COL23A1: variants seen among roughly 807,000 people sequenced by gnomAD.
COL23A1 encodes the protein collagen type XXIII alpha 1 chain.
Under a neutral mutation model 99.3 loss-of-function variants are expected in COL23A1, and 97 were observed. The ratio of observed to expected loss-of-function variants is 0.98; its 90% CI spans 0.83 to 1.16. The LOEUF is 1.16. Ranked by LOEUF, COL23A1 falls within the 50% of genes most tolerant of loss-of-function variation. The pLI, the probability that COL23A1 is intolerant of heterozygous loss-of-function variation, is 0.00. For synonymous variants in COL23A1, 320 were observed against 308.2 expected, an observed-to-expected ratio of 1.04 and a Z score of -0.40; for missense variants, 762 against 757.4, an observed-to-expected ratio of 1.01 and a Z score of -0.07.
At chr5:178,500,937 G>A (rs990199284) in intron 2 of COL23A1, among the ~76,000 whole-genome samples, 4 of 151,972 alleles carry the variant, frequency 2.6e-5, no homozygotes, top group South Asian at 2.1e-4. Flanking sequence ...CACAAACTGC[G>A]AAATATTTTC....
chr5:178,533,532 C>G (rs1177978397), intron 2 of COL23A1, among the ~76,000 whole-genome samples: 1 of 152,204 alleles, frequency 6.6e-6, no homozygotes, highest in African/African-American at 2.4e-5. Context: ...CGGTCTCGCT[C>G]TGTCATCCAG....
chr5:178,488,678 C>CT (rs1424941510), intron 2 of COL23A1, among the ~76,000 whole-genome samples: 1 of 143,286 alleles, frequency 7.0e-6, no homozygotes, highest in Non-Finnish European at 1.5e-5. Context: ...GCCTATGACT[C>CT]TTTAAAAAAA....
At position 178,365,127 on chromosome 5, in the gene COL23A1, C is replaced by CTGTGTGTGCG. The variant is rs1561905639; in HGVS notation, c.362-58218_362-58209dup. Among the ~76,000 whole-genome samples the CTGTGTGTGCG allele has an allele frequency of 8.3e-6, 1 of 120,508 alleles. No homozygotes were observed. The highest frequency in any genetic ancestry group is 3.3e-4 in the South Asian group (1 of 3,022). The allele number at this position is 120,508 out of a possible 152,430, so 79.1% of individuals were successfully genotyped here. On this transcript the variant is annotated intron_variant, in intron 2 of 28. Transcript: ENST00000390654. This position sits in a 1 kb window ranked among gnomAD's most constrained non-coding sequence, Gnocchi z 5.2. ...CTTTGGGGTGGGCTTTATGATGTTG[C>CTGTGTGTGCG]TGTGTGTGCGTGTGTGTGTGTGTGT...
intron 2 of COL23A1, among the ~76,000 whole-genome samples, chr5:178,502,170 C>A (rs112214773): frequency 6.6e-6 from 1 of 152,170 alleles, no homozygotes; most frequent in Non-Finnish European, 1.5e-5. Context: ...CTCGCTCTGT[C>A]GCCCAGGCTG....
At chr5:178,268,984 G>C (rs1756067391) in intron 6 of COL23A1, among the ~76,000 whole-genome samples, 1 of 152,084 alleles carries the variant, frequency 6.6e-6, no homozygotes, top group Non-Finnish European at 1.5e-5. Flanking sequence ...CGGGTGACCA[G>C]CAAGGGCCCA....
chr5:178,334,426 C>T (rs7713234), intron 2 of COL23A1, among the ~76,000 whole-genome samples: 72,197 of 151,992 alleles, frequency 0.48, 18,048 homozygotes, highest in East Asian at 0.81. Context: ...CGGGCGGCAC[C>T]GGCCGGCACA....
intron 2 of COL23A1, among the ~76,000 whole-genome samples, chr5:178,375,775 T>C (rs532423351): frequency 6.6e-6 from 1 of 152,350 alleles, no homozygotes; most frequent in South Asian, 2.1e-4. Flanking sequence ...TGGCACAATC[T>C]TGGCTCACTG....
chr5:178,555,832 G>C lies in COL23A1; in HGVS notation c.361+4850C>G, dbSNP rs568770614. 7.9e-5 allele frequency among the ~76,000 whole-genome samples: 12 copies of C among 152,266 alleles called. No homozygotes were observed. The South Asian group carries it at 2.5e-3, about 32-fold the overall frequency. On this transcript the variant is annotated intron_variant, in intron 2 of 28. Coordinates refer to ENST00000390654, the MANE Select transcript of COL23A1 (RefSeq NM_173465.4). ...CTACTGTTCACAGACGGTGGAGGCC[G>C]GACCATAGGGCAGCTCCCAGGGGGA...
intron 1 of COL23A1, among the ~76,000 whole-genome samples, chr5:178,574,249 C>T (rs1763241627): frequency 6.6e-6 from 1 of 152,052 alleles, no homozygotes; most frequent in Non-Finnish European, 1.5e-5. Flanking sequence ...TGGGTGGAGA[C>T]AAGAAAGGGG....
intron 2 of COL23A1, among the ~76,000 whole-genome samples, chr5:178,508,163 A>G (rs764536991): frequency 7.9e-5 from 12 of 151,042 alleles, no homozygotes; most frequent in Admixed American, 3.3e-4. Context: ...TGAGTTTTTA[A>G]TTTTGGTTTT....
intron 6 of COL23A1, among the ~76,000 whole-genome samples, chr5:178,269,638 CCACTCACCAATCCATT>C (rs1756165707): frequency 7.3e-6 from 1 of 137,892 alleles, no homozygotes; most frequent in Non-Finnish European, 1.6e-5. Context: ...ATCCACCCAT[CCACTCACCAATCCATT>C]CATCCATCCA....
At chr5:178,420,754 C>A (rs1461308965) in intron 2 of COL23A1, among the ~76,000 whole-genome samples, 3 of 139,944 alleles carry the variant, frequency 2.1e-5, no homozygotes, top group Non-Finnish European at 4.6e-5. Flanking sequence ...GGAATGTGGG[C>A]TTTGGGCCTT....
At chr5:178,315,750 T>C (rs1009325602) in intron 2 of COL23A1, among the ~76,000 whole-genome samples, 14 of 143,934 alleles carry the variant, frequency 9.7e-5, no homozygotes, top group African/African-American at 3.6e-4. Context: ...CGTTTTCTAG[T>C]AGAAGCACTG....
chr5:178,563,706 A>ATT (rs940841446), intron 1 of COL23A1, among the ~76,000 whole-genome samples: 1 of 151,538 alleles, frequency 6.6e-6, no homozygotes, highest in South Asian at 2.1e-4. Context: ...TAATTTTTAA[A>ATT]TTTTTTGTAG....
Position 178,340,213 on chromosome 5 carries a change from C to T in COL23A1, c.362-33294G>A, listed in dbSNP as rs1010310701. 3.9e-5 allele frequency among the ~76,000 whole-genome samples: 6 copies of T among 152,176 alleles called. No homozygotes were observed. The highest frequency in any genetic ancestry group is 1.4e-4 in the African/African-American group (6 of 41,442). ...CCTATGAAAGTTCCTAGGCAGGGAG[C>T]CTGCTGCAGGGATGGGCCTGGCTGA... On this transcript the variant is annotated intron_variant, in intron 2 of 28. Transcript: ENST00000390654. The surrounding 1 kb of genome is among the most constrained non-coding windows in gnomAD (Gnocchi z 4.7).
rs539021774 is a variant in COL23A1 at position 178,308,900 on chromosome 5, A to G, written c.362-1981T>C. ...TACGGGAACGGGAGCCCCCCGGCAC[A>G]CGCAGCACCATGTTCCTCGGGCTGT... On this transcript the variant is annotated intron_variant, in intron 2 of 28. Coordinates refer to ENST00000390654, the MANE Select transcript of COL23A1 (RefSeq NM_173465.4). The surrounding 1 kb of genome is among the most constrained non-coding windows in gnomAD (Gnocchi z 5.1). Among the ~76,000 whole-genome samples the G allele has an allele frequency of 1.3e-4, 20 of 152,254 alleles. No individual in the cohort carries two copies. The East Asian group carries it at 3.9e-3, about 30-fold the overall frequency.
At chr5:178,425,131 T>C (rs1002914432) in intron 2 of COL23A1, among the ~76,000 whole-genome samples, 5 of 151,908 alleles carry the variant, frequency 3.3e-5, no homozygotes, top group Admixed American at 6.6e-5. Context: ...AAGCAAAGGG[T>C]AAAGGGTTGC....
intron 2 of COL23A1, among the ~76,000 whole-genome samples, chr5:178,377,524 G>C (rs1397938649): frequency 6.6e-6 from 1 of 152,216 alleles, no homozygotes; most frequent in Admixed American, 6.5e-5. Context: ...TGGGCCTTTT[G>C]CCTTTTCTTC....
chr5:178,296,183 G>A (rs1360776958), intron 3 of COL23A1, among the ~76,000 whole-genome samples: 3 of 152,202 alleles, frequency 2.0e-5, no homozygotes, highest in Non-Finnish European at 4.4e-5. Context: ...CTCAGGCTGG[G>A]ATTATTATTC....
Sources: gnomAD v4.1 joint callset for allele counts (sites outside exome capture counted in the v4.1 genomes callset) on GRCh38, gnomAD v4.1.1 for gene constraint, Gnocchi (gnomAD v3.1) non-coding constraint, MANE v1.5 for transcripts, NCBI Gene and HGNC (gene_info 2026-07-23, HGNC 2026-07-21) for gene names.